Variants in CSMD1 observed in about 807,000 individuals in gnomAD.
The protein encoded by CSMD1 is CUB and Sushi multiple domains 1.
In CSMD1, 213 loss-of-function variants were observed where a neutral mutation model predicts 417.5. The observed-to-expected ratio is 0.51, with a 90% confidence interval of 0.46 to 0.57. The LOEUF (loss-of-function observed/expected upper bound fraction) is 0.57. CSMD1 is among the 20% of genes least tolerant of loss of function. The probability of loss-of-function intolerance (pLI) is 0.00; values close to 1 mark genes in which losing one functional copy is unlikely to be tolerated. For synonymous variants in CSMD1, 2,862 were observed against 1,736.8 expected, an observed-to-expected ratio of 1.65 and a Z score of -16.11; for missense variants, 6,923 against 4,529.7, an observed-to-expected ratio of 1.53 and a Z score of -15.17.
In CSMD1 at chr8:3,556,414, T is replaced by C. The variant is rs61036185; in HGVS notation, c.1344+18531A>G. On this transcript the variant is annotated intron_variant, in intron 10 of 69. Transcript: ENST00000635120. ...ATTAATATATATATATATATATATA[T>C]TCACACACACAAAGAATTTATGAGG... is the stretch of plus-strand genomic sequence containing the variant. Among the ~76,000 whole-genome samples the C allele has an allele frequency of 8.8e-3, 1,253 of 142,046 alleles. 68 individuals carry two copies. The highest frequency in any genetic ancestry group is 0.03 in the African/African-American group (1,140 of 37,634). The allele number at this position is 142,046 out of a possible 152,430, so 93.2% of individuals were successfully genotyped here.
chr8:3,564,412 A>T (rs1412603072), intron 10 of CSMD1, among the ~76,000 whole-genome samples: 2 of 152,280 alleles, frequency 1.3e-5, no homozygotes, highest in African/African-American at 4.8e-5. Context: ...AATAGTTGCA[A>T]GTCTATTGTC....
intron 2 of CSMD1, among the ~76,000 whole-genome samples, chr8:4,452,535 A>G (rs1362403809): frequency 6.6e-6 from 1 of 152,210 alleles, no homozygotes; most frequent in Non-Finnish European, 1.5e-5. Flanking sequence ...CAACAATTAT[A>G]AAAATAATTC....
intron 3 of CSMD1, among the ~76,000 whole-genome samples, chr8:4,155,474 C>T (rs918889534): frequency 1.3e-5 from 2 of 152,150 alleles, no homozygotes; most frequent in African/African-American, 2.4e-5. Flanking sequence ...GTATGTGTTT[C>T]CTTCTAGTTA....
At chr8:4,201,242 A>C (rs1368865712) in intron 3 of CSMD1, among the ~76,000 whole-genome samples, 1 of 152,218 alleles carries the variant, frequency 6.6e-6, no homozygotes, top group Non-Finnish European at 1.5e-5. Flanking sequence ...TATGGTTGTA[A>C]GTAAAAAAAT....
chr8:4,095,792 T>C (rs1055405727), intron 3 of CSMD1, among the ~76,000 whole-genome samples: 1 of 152,266 alleles, frequency 6.6e-6, no homozygotes, highest in Non-Finnish European at 1.5e-5. Flanking sequence ...AGGTTTTATA[T>C]ATGTATTTGT....
At chr8:4,131,134 T>G (rs1369912609) in intron 3 of CSMD1, among the ~76,000 whole-genome samples, 1 of 152,186 alleles carries the variant, frequency 6.6e-6, no homozygotes, top group Non-Finnish European at 1.5e-5. Context: ...ATTTACAAGT[T>G]ATAATCATAA....
chr8:3,068,840 G>T (rs143386199), intron 49 of CSMD1, among the ~76,000 whole-genome samples: 1 of 152,122 alleles, frequency 6.6e-6, no homozygotes, highest in East Asian at 1.9e-4. Flanking sequence ...CAGCATTGGG[G>T]ATTACAATTC....
intron 30 of CSMD1, among the ~76,000 whole-genome samples, chr8:3,209,752 T>G (rs930691929): frequency 6.6e-6 from 1 of 152,236 alleles, no homozygotes; most frequent in Admixed American, 6.5e-5. Context: ...TGTTATTTGG[T>G]AATTAACATA....
At chr8:4,670,857 T>C (rs1344897287) in intron 1 of CSMD1, among the ~76,000 whole-genome samples, 3 of 152,194 alleles carry the variant, frequency 2.0e-5, no homozygotes, top group African/African-American at 7.2e-5. Flanking sequence ...GTGTTTGTGT[T>C]TGGTGGTGGC....
intron 39 of CSMD1, among the ~76,000 whole-genome samples, chr8:3,156,571 G>C (rs763816555): frequency 2.0e-5 from 3 of 152,162 alleles, no homozygotes; most frequent in Non-Finnish European, 4.4e-5. Flanking sequence ...GCAGGTGGGA[G>C]CTCAGAGAGC....
intron 1 of CSMD1, among the ~76,000 whole-genome samples, chr8:4,775,323 G>T (rs567331930): frequency 1.6e-4 from 24 of 152,150 alleles, no homozygotes; most frequent in Non-Finnish European, 5.9e-5. Flanking sequence ...GTGATATGTA[G>T]CAGTGAATAG....
intron 2 of CSMD1, among the ~76,000 whole-genome samples, chr8:4,596,532 C>G (rs935256480): frequency 2.7e-5 from 4 of 150,598 alleles, no homozygotes; most frequent in Non-Finnish European, 5.9e-5. Context: ...AGTATTTTCT[C>G]ACCAAGCTAT....
intron 7 of CSMD1, among the ~76,000 whole-genome samples, chr8:3,708,129 C>G (rs1197528140): frequency 6.6e-6 from 1 of 152,156 alleles, no homozygotes; most frequent in East Asian, 1.9e-4. Context: ...ATGAAAATGA[C>G]TGACCGTGTC....
intron 3 of CSMD1, among the ~76,000 whole-genome samples, chr8:4,292,681 A>G (rs1326266060): frequency 3.9e-5 from 6 of 152,208 alleles, no homozygotes; most frequent in African/African-American, 1.4e-4. Context: ...AATATTCATT[A>G]GAAAAAATGA....
chr8:2,936,408 A>C lies in CSMD1; in HGVS notation c.*2177T>G, dbSNP rs1451193327. ...ATATATGTATGTATATATATACACT[A>C]ATATGTATAGTAACCCTGTTCTCCC... On this transcript the variant is annotated 3_prime_UTR_variant, in exon 70 of 70. Coordinates refer to ENST00000635120, the MANE Select transcript of CSMD1 (RefSeq NM_033225.6). 2.6e-5 allele frequency: 4 copies of C among 151,132 alleles called. No individual in the cohort carries two copies. The highest frequency in any genetic ancestry group is 9.7e-5 in the African/African-American group (4 of 41,128). The allele number at this position is 151,132 out of a possible 1,614,324, so 9.4% of individuals were successfully genotyped here. A position where few individuals can be genotyped will look rare whatever the true frequency, so the allele number is the denominator to read the frequency against.
At chr8:3,652,001 A>G (rs1276191810) in intron 7 of CSMD1, among the ~76,000 whole-genome samples, 1 of 149,286 alleles carries the variant, frequency 6.7e-6, no homozygotes, top group African/African-American at 2.5e-5. Context: ...TACACATACC[A>G]TCAGTGCGCT....
At chr8:4,443,934 C>T (rs533015263) in intron 2 of CSMD1, among the ~76,000 whole-genome samples, 2 of 152,196 alleles carry the variant, frequency 1.3e-5, no homozygotes, top group East Asian at 3.9e-4. Context: ...CGTACATATA[C>T]ATGCATATAT....
chr8:3,288,621 T>C (rs1181608362), intron 25 of CSMD1, among the ~76,000 whole-genome samples: 1 of 147,352 alleles, frequency 6.8e-6, no homozygotes, highest in Non-Finnish European at 1.5e-5. Flanking sequence ...TGGTAGTTTG[T>C]ATTTCTGTGG....
chr8:4,367,169 TTG>T (rs1188172205), intron 3 of CSMD1, among the ~76,000 whole-genome samples: 1 of 152,216 alleles, frequency 6.6e-6, no homozygotes, highest in Non-Finnish European at 1.5e-5. Flanking sequence ...ATGATTTTAA[TTG>T]TGTTAGAGCT....
Sources: allele counts gnomAD v4.1 joint callset (sites outside exome capture counted in the v4.1 genomes callset), GRCh38; gene constraint gnomAD v4.1.1; transcripts MANE v1.5; gene names NCBI Gene and HGNC (gene_info 2026-07-23, HGNC 2026-07-21).